UTRN: variants seen among roughly 807,000 people sequenced by gnomAD.
UTRN encodes the protein utrophin.
UTRN carries 283 observed loss-of-function variants against 463.9 expected under a neutral mutation model. The observed-to-expected ratio is 0.61, with a 90% CI of 0.55 to 0.67. The LOEUF (loss-of-function observed/expected upper bound fraction) is 0.67, where lower values mean the gene tolerates loss of function less well. Among genes scored for constraint, UTRN ranks in the 30% least tolerant of loss-of-function variants. The pLI is 0.00. For missense variants in UTRN, 3,922 were observed against 4,084.3 expected, an observed-to-expected ratio of 0.96 and a Z score of 1.08; for synonymous variants, 1,442 against 1,431.5, an observed-to-expected ratio of 1.01 and a Z score of -0.17.
chr6:144,674,868 A>G (rs1781433229), intron 51 of UTRN, among the ~76,000 whole-genome samples: 1 of 152,132 alleles, frequency 6.6e-6, no homozygotes, highest in Admixed American at 6.6e-5. Context: ...CATGTTTAAA[A>G]TTTCTTTAAG....
chr6:144,347,852 T>TTG (rs1399276412), intron 2 of UTRN, among the ~76,000 whole-genome samples: 2 of 147,494 alleles, frequency 1.4e-5, no homozygotes, highest in African/African-American at 5.3e-5. Context: ...TTTTTTTTGT[T>TTG]TTTTTTTTTG....
chr6:144,360,361 C>T (rs1441911686), intron 2 of UTRN, among the ~76,000 whole-genome samples: 10 of 151,856 alleles, frequency 6.6e-5, no homozygotes, highest in Non-Finnish European at 1.0e-4. Flanking sequence ...TTAGTAGAAA[C>T]GGGGTTTCAC....
chr6:144,595,762 T>C (rs1246529233), intron 51 of UTRN, among the ~76,000 whole-genome samples: 1 of 152,232 alleles, frequency 6.6e-6, no homozygotes, highest in Non-Finnish European at 1.5e-5. Flanking sequence ...GGAAGATCTT[T>C]CTTGAATTTC....
At chr6:144,760,926 T>C (rs371018068) in intron 58 of UTRN, among the ~76,000 whole-genome samples, 45 of 152,308 alleles carry the variant, frequency 3.0e-4, no homozygotes, top group Non-Finnish European at 5.7e-4. Context: ...AAGGGCAAAT[T>C]ATTTTTATGT....
chr6:144,388,863 G>A (rs1215650541), intron 2 of UTRN, among the ~76,000 whole-genome samples: 1 of 152,174 alleles, frequency 6.6e-6, no homozygotes, highest in Non-Finnish European at 1.5e-5. Context: ...GATGGACACT[G>A]GGAAAGCTAG....
intron 2 of UTRN, among the ~76,000 whole-genome samples, chr6:144,368,814 A>T (rs569610948): frequency 6.6e-6 from 1 of 152,274 alleles, no homozygotes; most frequent in Admixed American, 6.5e-5. Flanking sequence ...AGGTTTTTTA[A>T]AGTTAGGGTC....
In UTRN at chr6:144,459,347, A is replaced by G. The variant is rs1789181049; in HGVS notation, c.2700A>G (p.Leu900=). The change falls in exon 21 of 75, where the codon CTA becomes CTG. Residue 900 remains leucine (L), a synonymous_variant. Coordinates refer to ENST00000367545, the MANE Select transcript of UTRN (RefSeq NM_007124.3). The part of the protein sequence containing the change: ...QEAVEDRQQH[L]ENELKGQPGH... The stretch of plus-strand genomic sequence containing the variant: ...CTGTAGAGGATCGTCAACAACATCT[A>G]GAGAATGGTAAACCCAACAATTTTA... The G allele has an allele frequency of 6.3e-7, 1 of 1,592,588 alleles. No homozygotes were observed. The highest frequency in any genetic ancestry group is 8.5e-7 in the Non-Finnish European group (1 of 1,170,172).
At chr6:144,621,905 C>T (rs1023360919) in intron 51 of UTRN, among the ~76,000 whole-genome samples, 5 of 152,078 alleles carry the variant, frequency 3.3e-5, no homozygotes, top group Non-Finnish European at 7.4e-5. Flanking sequence ...TTTTCCACCT[C>T]CTCTTCCTCC....
intron 34 of UTRN, 36 bp from the exon 35 acceptor site, chr6:144,510,908 A>T (rs1261444074): frequency 6.8e-7 from 1 of 1,474,300 alleles, no homozygotes. Context: ...TAATATTCTG[A>T]AGCATCAAGT....
intron 2 of UTRN, among the ~76,000 whole-genome samples, chr6:144,304,319 C>T (rs934649271): frequency 1.3e-5 from 2 of 151,936 alleles, no homozygotes; most frequent in African/African-American, 4.8e-5. Context: ...TTGCTTTGGC[C>T]GGTAAGAGAC....
At chr6:144,539,107 G>A (rs1235885283) in intron 44 of UTRN, among the ~76,000 whole-genome samples, 187 bp from the exon 45 acceptor site, 2 of 152,180 alleles carry the variant, frequency 1.3e-5, no homozygotes, top group East Asian at 1.9e-4. Context: ...CACACAGAAG[G>A]CATGTGCTCA....
chr6:144,720,555 C>T (rs1787018618), intron 53 of UTRN, among the ~76,000 whole-genome samples: 1 of 152,170 alleles, frequency 6.6e-6, no homozygotes, highest in Non-Finnish European at 1.5e-5. Context: ...TAGCTACATT[C>T]TGATATTTAC....
intron 63 of UTRN, among the ~76,000 whole-genome samples, chr6:144,795,331 T>G (rs1402104449): frequency 6.6e-6 from 1 of 152,216 alleles, no homozygotes; most frequent in African/African-American, 2.4e-5. Context: ...TCAGTAAACA[T>G]ACGTGCGCAT....
At chr6:144,362,797 C>T (rs1038608959) in intron 2 of UTRN, among the ~76,000 whole-genome samples, 1 of 152,158 alleles carries the variant, frequency 6.6e-6, no homozygotes, top group Non-Finnish European at 1.5e-5. Context: ...ATCTTGGGTC[C>T]TTACAACATC....
At chr6:144,621,223 G>A (rs893775184) in intron 51 of UTRN, among the ~76,000 whole-genome samples, 4 of 152,140 alleles carry the variant, frequency 2.6e-5, no homozygotes, top group Admixed American at 6.5e-5. Context: ...ACTGTTATTA[G>A]GAGTGGGAAT....
intron 65 of UTRN, among the ~76,000 whole-genome samples, chr6:144,806,370 T>C (rs1199458569): frequency 6.6e-6 from 1 of 152,216 alleles, no homozygotes; most frequent in Non-Finnish European, 1.5e-5. Context: ...GCTTCATTTT[T>C]CAAGACATCC....
In UTRN at chr6:144,690,072, C is replaced by CTATTTTT. The variant is rs1428641511; in HGVS notation, c.7653-10014_7653-10013insATTTTTT. The stretch of plus-strand genomic sequence containing the variant: ...GGGGCCATAGAGCTCCCAAAAGTTT[C>CTATTTTT]TGTTTTTTTTTTTTTTTTTTTTTTG... On this transcript the variant is annotated intron_variant, in intron 52 of 74. Transcript: ENST00000367545. 6.5e-4 allele frequency among the ~76,000 whole-genome samples: 23 copies of CTATTTTT among 35,652 alleles called. 3 individuals are homozygous for CTATTTTT. The highest frequency in any genetic ancestry group is 4.9e-3 in the Admixed American group (12 of 2,454). The allele number at this position is 35,652 out of a possible 152,430, so 23.4% of individuals were successfully genotyped here.
chr6:144,658,495 G>T (rs185429116), intron 51 of UTRN, among the ~76,000 whole-genome samples: 1 of 152,254 alleles, frequency 6.6e-6, no homozygotes, highest in East Asian at 1.9e-4. Flanking sequence ...TGATATTTAA[G>T]CAACTCATTA....
At chr6:144,833,827 G>A (rs1319288789) in intron 69 of UTRN, among the ~76,000 whole-genome samples, 1 of 152,194 alleles carries the variant, frequency 6.6e-6, no homozygotes, top group Non-Finnish European at 1.5e-5. Flanking sequence ...GGATAACACA[G>A]CTAGGTTTAG....
Sources: allele counts gnomAD v4.1 joint callset (sites outside exome capture counted in the v4.1 genomes callset), GRCh38; gene constraint gnomAD v4.1.1; transcripts MANE v1.5; gene names NCBI Gene and HGNC (gene_info 2026-07-23, HGNC 2026-07-21).